CAMKK2: variants seen among roughly 807,000 people sequenced by gnomAD.
CAMKK2 encodes calcium/calmodulin-dependent protein kinase kinase 2.
CAMKK2 carries 30 observed loss-of-function variants against 67.2 expected under a neutral mutation model. The ratio of observed to expected loss-of-function variants is 0.45; its 90% CI spans 0.33 to 0.61. The LOEUF (loss-of-function observed/expected upper bound fraction) is 0.61. Among genes scored for constraint, CAMKK2 ranks in the 20% least tolerant of loss-of-function variants. The pLI is 0.02. For missense variants in CAMKK2, 643 were observed against 802.0 expected (o/e 0.80, Z 2.39); for synonymous variants, 322 against 326.2 (o/e 0.99, Z 0.14).
intron 1 of CAMKK2, among the ~76,000 whole-genome samples, chr12:121,290,067 A>G (rs1008863172): frequency 3.9e-5 from 6 of 152,160 alleles, no homozygotes; most frequent in African/African-American, 1.4e-4. Flanking sequence ...GATCTTCTCT[A>G]TGGCAGTCCC....
chr12:121,268,082 G>GTATATATATATATATA (rs1465575245), intron 5 of CAMKK2, among the ~76,000 whole-genome samples: 1 of 47,892 alleles, frequency 2.1e-5, no homozygotes, highest in Non-Finnish European at 3.9e-5. Context: ...TCCATTGGAT[G>GTATATATATATATATA]CATATATATA....
At chr12:121,250,670 T>C (rs1317184780) in intron 11 of CAMKK2, among the ~76,000 whole-genome samples, 2 of 152,164 alleles carry the variant, frequency 1.3e-5, no homozygotes, top group Non-Finnish European at 2.9e-5. Context: ...ATCGTACAGA[T>C]TTGTTTATTG....
chr12:121,289,487 A>G (rs1317764887), intron 1 of CAMKK2, among the ~76,000 whole-genome samples: 2 of 152,166 alleles, frequency 1.3e-5, no homozygotes, highest in Non-Finnish European at 2.9e-5. Context: ...ACAAATAATA[A>G]TTCTAAATCT....
chr12:121,263,247 C>T (rs931113373), intron 6 of CAMKK2, among the ~76,000 whole-genome samples: 3 of 109,642 alleles, frequency 2.7e-5, no homozygotes, highest in Non-Finnish European at 5.3e-5. Flanking sequence ...AAATTCAGCC[C>T]TCTGTCTGGT....
intron 1 of CAMKK2, among the ~76,000 whole-genome samples, chr12:121,290,550 C>T (rs1218932952): frequency 2.0e-5 from 3 of 151,962 alleles, no homozygotes; most frequent in African/African-American, 4.8e-5. Flanking sequence ...ATTAGCCAGG[C>T]GTGGTGGCGC....
chr12:121,241,867 C>G (rs144072024), intron 16 of CAMKK2, among the ~76,000 whole-genome samples: 1 of 152,362 alleles, frequency 6.6e-6, no homozygotes, highest in Non-Finnish European at 1.5e-5. Context: ...AGACGGCAGG[C>G]AGGCCCCCAG....
In CAMKK2 at chr12:121,246,527, C is replaced by T. The variant is rs574438515; in HGVS notation, c.1453-1287G>A. Among the ~76,000 whole-genome samples, 25 of 151,852 alleles carry T rather than the reference C, an allele frequency of 1.6e-4. No individual in the cohort carries two copies. The South Asian group carries it at 4.2e-3, about 25-fold the overall frequency. ...CACCACTGCACTCCAGCCTGGGCAA[C>T]GAGAGCAAAACTCCATCTCAAAAAA... On this transcript the variant is annotated intron_variant, in intron 14 of 16. Transcript: ENST00000404169.
intron 1 of CAMKK2, among the ~76,000 whole-genome samples, chr12:121,292,766 G>A (rs1478463131): frequency 1.3e-5 from 2 of 152,108 alleles, no homozygotes; most frequent in Non-Finnish European, 2.9e-5. Context: ...CCAGGAGTTC[G>A]AGACCAGCCT....
chr12:121,267,493 AT>A (rs767717414), intron 5 of CAMKK2, among the ~76,000 whole-genome samples: 4 of 141,054 alleles, frequency 2.8e-5, no homozygotes, highest in Non-Finnish European at 4.7e-5. Flanking sequence ...TCTATTGCAT[AT>A]TTTTTTTTCT....
chr12:121,267,286 A>AT (rs1894817335), intron 5 of CAMKK2, among the ~76,000 whole-genome samples: 1 of 146,660 alleles, frequency 6.8e-6, no homozygotes, highest in African/African-American at 2.5e-5. Flanking sequence ...TAATTTTTGT[A>AT]TTTTTTTAGT....
chr12:121,271,808 A>C (rs1895837306), intron 2 of CAMKK2, among the ~76,000 whole-genome samples: 1 of 152,114 alleles, frequency 6.6e-6, no homozygotes, highest in African/African-American at 2.4e-5. Context: ...CCCAGATTCA[A>C]GCAATTCTCC....
rs1398539853 is a variant in CAMKK2 at position 121,245,175 on chromosome 12, C to T, written c.1518G>A (p.Glu506=). 1 of 1,607,698 alleles carries T rather than the reference C, an allele frequency of 6.2e-7. No homozygotes were observed. Among genetic ancestry groups the T allele is most frequent in the East Asian group, 2.2e-5 (1 of 44,674 alleles). Residue 506 remains glutamate, a synonymous_variant, in exon 15 of 17, where the codon GAG becomes GAA. Transcript: ENST00000404169. This position sits in a 1 kb window ranked among gnomAD's most constrained non-coding sequence, Gnocchi z 5.8. ...TTCCAGGCGCTGACAGTGAGCGTTCCTCCCGCCGGCTGCCCTCGAATGGGT... is the reference window on the plus strand; with the variant it reads ...TTCCAGGCGCTGACAGTGAGCGTTCTTCCCGCCGGCTGCCCTCGAATGGGT... ...FGNPFEGSRR[E]ERSLSAPGNL...
chr12:121,274,013 C>T (rs1896284197), intron 2 of CAMKK2, 43 bp downstream of exon 2: 1 of 1,374,110 alleles, frequency 7.3e-7, no homozygotes, highest in African/African-American at 1.5e-5. Context: ...CAGGGAAGGG[C>T]ACCAGGGACC....
rs1593307110 is a variant in CAMKK2, at chr12:121,252,647, C to A, written c.1161+14G>T. ...CCCAGCAGTACTGAGGGGACAGACA[C>A]CCCGCCCTCTTACCTGGCCAAAGAC... On this transcript the variant is annotated intron_variant, in intron 11 of 16. Transcript: ENST00000404169. 6.2e-7 allele frequency: 1 copy of A among 1,613,732 alleles called. No individual in the cohort carries two copies. The highest frequency in any genetic ancestry group is 8.5e-7 in the Non-Finnish European group (1 of 1,179,604).
At chr12:121,244,686 C>A in intron 15 of CAMKK2, 71 bp from the exon 16 acceptor site, 2 of 1,294,326 alleles carry the variant, frequency 1.5e-6, no homozygotes, top group Middle Eastern at 1.9e-4. Context: ...GCCCGTTCCC[C>A]CACCCTGAGA....
rs1049483531 is a variant in CAMKK2 at position 121,288,992 on chromosome 12, C to G, written c.-60+7646G>C. On this transcript the variant is annotated intron_variant, in intron 1 of 16. Coordinates refer to ENST00000404169, the MANE Select transcript of CAMKK2 (RefSeq NM_001270485.2). ...TCATCTTTTCCAAAAGGCTCTGAGA[C>G]CACTCACCTGGGACAGGAACCAAGT... Among the ~76,000 whole-genome samples the G allele has an allele frequency of 5.9e-5, 9 of 152,012 alleles. No individual in the cohort carries two copies. The East Asian group carries it at 1.7e-3, about 29-fold the overall frequency.
At chr12:121,248,853 G>T in intron 13 of CAMKK2, 119 bp from the exon 14 acceptor site, 1 of 1,198,514 alleles carries the variant, frequency 8.3e-7, no homozygotes, top group Non-Finnish European at 1.2e-6. Context: ...GGTCAGGCAT[G>T]CAAAACAGCT....
At chr12:121,268,956 C>T (rs544703255) in intron 4 of CAMKK2, among the ~76,000 whole-genome samples, 16 of 152,060 alleles carry the variant, frequency 1.1e-4, no homozygotes, top group Non-Finnish European at 2.1e-4. Flanking sequence ...TGGGAAACCA[C>T]GAGCCTCAGG....
chr12:121,278,644 G>A (rs1013096084), intron 1 of CAMKK2, among the ~76,000 whole-genome samples: 7 of 152,090 alleles, frequency 4.6e-5, no homozygotes, highest in Non-Finnish European at 7.3e-5. Context: ...CCTCATTCTC[G>A]CTGCCTGCTG....
Sources: gnomAD v4.1 joint callset for allele counts (sites outside exome capture counted in the v4.1 genomes callset) on GRCh38, gnomAD v4.1.1 for gene constraint, Gnocchi (gnomAD v3.1) non-coding constraint, MANE v1.5 for transcripts, NCBI Gene and HGNC (gene_info 2026-07-23, HGNC 2026-07-21) for gene names.